ARFIP1: variants seen among roughly 807,000 people sequenced by gnomAD.
The protein encoded by ARFIP1 is ARF interacting protein 1, also known as arfaptin-1.
A neutral mutation model predicts 42.5 loss-of-function variants in ARFIP1; 24 were observed. The ratio of observed to expected loss-of-function variants is 0.57; its 90% CI spans 0.41 to 0.80. ARFIP1 has a LOEUF of 0.80. ARFIP1 is among the 30% of genes least tolerant of loss of function. ARFIP1 has a pLI of 0.00. For missense variants in ARFIP1, 354 were observed against 434.0 expected (o/e 0.82, Z 1.64); for synonymous variants, 141 against 153.7 (o/e 0.92, Z 0.61).
At chr4:152,862,030 C>T (rs1474804580) in intron 2 of ARFIP1, among the ~76,000 whole-genome samples, 1 of 152,178 alleles carries the variant, frequency 6.6e-6, no homozygotes, top group East Asian at 1.9e-4. Flanking sequence ...TTAAGCAATG[C>T]TTTAACCAAA....
intron 8 of ARFIP1, among the ~76,000 whole-genome samples, chr4:152,888,608 G>C (rs1736466430): frequency 6.6e-6 from 1 of 152,154 alleles, no homozygotes; most frequent in African/African-American, 2.4e-5. Flanking sequence ...AATAATGATA[G>C]ATTATGCTCT....
Position 152,795,820 on chromosome 4 carries a change from A to ATTTTTTTTTTTTTTTTTTTTTTTTTTT in ARFIP1, c.-10+15600_-10+15626dup, listed in dbSNP as rs56845391. ...CGATTGTTACTTGAGGGCCCTTGTA[A>ATTTTTTTTTTTTTTTTTTTTTTTTTTT]TTTTTTTTTTTTTTTTTTTTTTTTT... On this transcript the variant is annotated intron_variant, in intron 1 of 8. Transcript: ENST00000353617. Among the ~76,000 whole-genome samples the ATTTTTTTTTTTTTTTTTTTTTTTTTTT allele has an allele frequency of 5.7e-4, 16 of 28,066 alleles. 1 individual carries two copies. Among genetic ancestry groups the ATTTTTTTTTTTTTTTTTTTTTTTTTTT allele is most frequent in the African/African-American group, 7.7e-4 (5 of 6,518 alleles). The allele number at this position is 28,066 out of a possible 152,430, so 18.4% of individuals were successfully genotyped here.
rs983533621 is a variant in ARFIP1, at chr4:152,791,554, T to C, written c.-10+11328T>C. On this transcript the variant is annotated intron_variant, in intron 1 of 8. Coordinates refer to ENST00000353617, the MANE Select transcript of ARFIP1 (RefSeq NM_001025595.3). Reference sequence around the variant, plus strand: ...CTGTTTTCTGAATATAAACCTATTTTCATTGTAATTTCTAAAAATCCAGTA... The same window carrying C: ...CTGTTTTCTGAATATAAACCTATTTCCATTGTAATTTCTAAAAATCCAGTA... Among the ~76,000 whole-genome samples, 5 of 152,190 alleles carry C rather than the reference T, an allele frequency of 3.3e-5. No homozygotes were observed. The East Asian group carries it at 9.6e-4, about 29-fold the overall frequency.
At chr4:152,877,610 A>G (rs1449121664) in intron 5 of ARFIP1, among the ~76,000 whole-genome samples, 1 of 151,958 alleles carries the variant, frequency 6.6e-6, no homozygotes, top group Non-Finnish European at 1.5e-5. Flanking sequence ...TTGGTTTTGA[A>G]GTGTATGGAC....
chr4:152,795,376 A>G (rs1194659291), intron 1 of ARFIP1, among the ~76,000 whole-genome samples: 1 of 152,114 alleles, frequency 6.6e-6, no homozygotes, highest in Non-Finnish European at 1.5e-5. Flanking sequence ...ACAGTTGCAT[A>G]ACTTGGATGT....
At chr4:152,831,835 C>A (rs771176667) in intron 2 of ARFIP1, among the ~76,000 whole-genome samples, 14 of 152,076 alleles carry the variant, frequency 9.2e-5, no homozygotes, top group Non-Finnish European at 1.6e-4. Context: ...CATAGGTATA[C>A]ATGTGCCATG....
At chr4:152,831,971 T>G (rs1731280576) in intron 2 of ARFIP1, among the ~76,000 whole-genome samples, 1 of 146,612 alleles carries the variant, frequency 6.8e-6, no homozygotes, top group Non-Finnish European at 1.5e-5. Context: ...AAAATTGTAG[T>G]ATAGTTTTCC....
chr4:152,852,710 C>T (rs1733099538), intron 2 of ARFIP1, among the ~76,000 whole-genome samples: 1 of 152,002 alleles, frequency 6.6e-6, no homozygotes, highest in Non-Finnish European at 1.5e-5. Flanking sequence ...TATAATATTA[C>T]TTAGAGAATG....
intron 8 of ARFIP1, among the ~76,000 whole-genome samples, chr4:152,889,847 C>CTATATATACTATATACTA (rs1736677037): frequency 9.2e-6 from 1 of 108,474 alleles, no homozygotes; most frequent in African/African-American, 3.8e-5. Context: ...TATATATATA[C>CTATATATACTATATACTA]TATATATACT....
intron 5 of ARFIP1, among the ~76,000 whole-genome samples, chr4:152,879,732 C>T (rs772934508): frequency 6.6e-6 from 1 of 152,032 alleles, no homozygotes; most frequent in African/African-American, 2.4e-5. Flanking sequence ...GCCTCTAATC[C>T]CAGCTACTCG....
chr4:152,885,567 T>G (rs1338180921), intron 7 of ARFIP1, among the ~76,000 whole-genome samples: 2 of 151,946 alleles, frequency 1.3e-5, no homozygotes, highest in African/African-American at 4.8e-5. Flanking sequence ...TTAGTGAGCT[T>G]CTCTTCTTGG....
At chr4:152,835,353 A>G (rs1210061296) in intron 2 of ARFIP1, among the ~76,000 whole-genome samples, 1 of 152,240 alleles carries the variant, frequency 6.6e-6, no homozygotes. Context: ...TTCTTCTGCC[A>G]GATAACCTAA....
chr4:152,816,231 G>A (rs1206554692), intron 1 of ARFIP1, among the ~76,000 whole-genome samples: 6 of 152,184 alleles, frequency 3.9e-5, no homozygotes, highest in Non-Finnish European at 4.4e-5. Flanking sequence ...TTACCCCACT[G>A]TTCAAAACTC....
At chr4:152,853,289 A>G (rs1733143722) in intron 2 of ARFIP1, among the ~76,000 whole-genome samples, 1 of 151,996 alleles carries the variant, frequency 6.6e-6, no homozygotes, top group Admixed American at 6.5e-5. Flanking sequence ...ATGTGTTTTG[A>G]TGATGGTAAA....
chr4:152,811,913 T>TC (rs1415039996), intron 1 of ARFIP1, among the ~76,000 whole-genome samples: 2 of 152,260 alleles, frequency 1.3e-5, no homozygotes, highest in East Asian at 3.9e-4. Context: ...TAAATGATGT[T>TC]CCCCCAAAAT....
At chr4:152,821,163 A>G (rs1730334920) in intron 1 of ARFIP1, among the ~76,000 whole-genome samples, 1 of 152,232 alleles carries the variant, frequency 6.6e-6, no homozygotes, top group East Asian at 1.9e-4. Context: ...GAAATACCAG[A>G]TAAAGAACTC....
chr4:152,840,720 T>C, intron 2 of ARFIP1, among the ~76,000 whole-genome samples: 2 of 148,152 alleles, frequency 1.3e-5, no homozygotes, highest in Non-Finnish European at 1.5e-5. Context: ...TATCTTTTTT[T>C]TTTTTTTTTT....
intron 1 of ARFIP1, among the ~76,000 whole-genome samples, chr4:152,816,443 G>C (rs920443469): frequency 6.6e-6 from 1 of 152,066 alleles, no homozygotes; most frequent in Non-Finnish European, 1.5e-5. Flanking sequence ...TGTACTTACT[G>C]TTCTCTCTGC....
intron 7 of ARFIP1, among the ~76,000 whole-genome samples, chr4:152,884,587 G>C (rs141416797): frequency 3.0e-4 from 45 of 151,938 alleles, no homozygotes; most frequent in Admixed American, 1.1e-3. Flanking sequence ...TGTGAATCTA[G>C]TTTCTCTACT....
Sources: allele counts gnomAD v4.1 joint callset (sites outside exome capture counted in the v4.1 genomes callset), GRCh38; gene constraint gnomAD v4.1.1; transcripts MANE v1.5; gene names NCBI Gene and HGNC (gene_info 2026-07-23, HGNC 2026-07-21).